The following ARHGEF10L variants were observed in gnomAD, a reference collection of about 807,000 sequenced individuals.
ARHGEF10L encodes Rho guanine nucleotide exchange factor 10 like, also known as rho guanine nucleotide exchange factor 10-like protein.
ARHGEF10L carries 69 observed loss-of-function variants against 141.2 expected under a neutral mutation model. The ratio of observed to expected loss-of-function variants is 0.49; its 90% confidence interval spans 0.40 to 0.60. ARHGEF10L has a LOEUF of 0.60. Among genes scored for constraint, ARHGEF10L ranks in the 20% least tolerant of loss-of-function variants. ARHGEF10L has a pLI of 0.00. For synonymous variants in ARHGEF10L, 711 were observed against 718.5 expected, an observed-to-expected ratio of 0.99 and a Z score of 0.17; for missense variants, 1,482 against 1,734.3, an observed-to-expected ratio of 0.85 and a Z score of 2.58.
At chr1:17,665,561 G>A (rs149557574) in intron 26 of ARHGEF10L, among the ~76,000 whole-genome samples, 8,410 of 152,244 alleles carry the variant, frequency 0.055, 308 homozygotes, top group Middle Eastern at 0.13. Flanking sequence ...TGTTGTCGTT[G>A]GAGCCGGACC....
At chr1:17,561,298 G>A (rs139249852) in intron 1 of ARHGEF10L, among the ~76,000 whole-genome samples, 2 of 152,302 alleles carry the variant, frequency 1.3e-5, no homozygotes, top group South Asian at 2.1e-4. Flanking sequence ...CTGGCAGCCC[G>A]GGAGCAGTCT....
Position 17,621,730 on chromosome 1 carries a change from C to G in ARHGEF10L, c.943-134C>G. The G allele has an allele frequency of 1.3e-6, 1 of 760,812 alleles. No homozygotes were observed. Among genetic ancestry groups the G allele is most frequent in the Non-Finnish European group, 2.3e-6 (1 of 440,854 alleles). The allele number at this position is 760,812 out of a possible 1,614,324, so 47.1% of individuals were successfully genotyped here. ...GGGCTCTGGAAGGAAGAGTGGCCAC[C>G]AGGCCCAGTGGTCCCAGGTGGGACC... On this transcript the variant is annotated intron_variant, in intron 10 of 28. Coordinates refer to ENST00000361221, the MANE Select transcript of ARHGEF10L (RefSeq NM_018125.4). This position sits in a 1 kb window ranked among gnomAD's most constrained non-coding sequence, Gnocchi z 4.1.
intron 27 of ARHGEF10L, among the ~76,000 whole-genome samples, chr1:17,687,959 C>T (rs1361622217): frequency 6.6e-6 from 1 of 152,206 alleles, no homozygotes; most frequent in Non-Finnish European, 1.5e-5. Context: ...GCCCAGCCAC[C>T]GCATCACAGC....
the ARHGEF10L span, among the ~76,000 whole-genome samples, chr1:17,531,573 G>C: frequency 2.0e-5 from 3 of 152,314 alleles, no homozygotes; most frequent in South Asian, 6.2e-4. Context: ...AAGCAGGATA[G>C]AGCCACCTTC....
At chr1:17,591,584 G>A (rs1470525862) in intron 4 of ARHGEF10L, among the ~76,000 whole-genome samples, 2 of 152,054 alleles carry the variant, frequency 1.3e-5, no homozygotes, top group Admixed American at 6.6e-5. Flanking sequence ...CTAATTTTTT[G>A]TATTTTTAGT....
rs117217498 is a variant in ARHGEF10L, at chr1:17,595,317, C to G, written c.258-6810C>G. ...GTTTTGCAACAACCCACATGGCTCT[C>G]GATACATTTTTGCCAGGGGTGCAGG... On this transcript the variant is annotated intron_variant, in intron 4 of 28. Coordinates refer to ENST00000361221, the MANE Select transcript of ARHGEF10L (RefSeq NM_018125.4). 7.1e-4 allele frequency among the ~76,000 whole-genome samples: 107 copies of G among 149,680 alleles called. No individual in the cohort carries two copies. In the East Asian group the frequency reaches 0.02, roughly 28 times the overall value.
Position 17,656,396 on chromosome 1 carries a change from AGCTCCC to A in ARHGEF10L, c.2706-155_2706-150del, listed in dbSNP as rs2062254147. Among the ~76,000 whole-genome samples the A allele has an allele frequency of 6.6e-6, 1 of 152,128 alleles. No homozygotes were observed. Among genetic ancestry groups the A allele is most frequent in the Non-Finnish European group, 1.5e-5 (1 of 68,016 alleles). On this transcript the variant is annotated intron_variant, in intron 24 of 28. Transcript: ENST00000361221. This position sits in a 1 kb window ranked among gnomAD's most constrained non-coding sequence, Gnocchi z 4.9. ...CGTCCCAGAAAACCATGGAAAAGTG[AGCTCCC>A]GCATGGTGGAGCTATGGCCTGGCCA... is the stretch of plus-strand genomic sequence containing the variant.
At chr1:17,616,532 C>T (rs944607186) in intron 9 of ARHGEF10L, among the ~76,000 whole-genome samples, 5 of 152,232 alleles carry the variant, frequency 3.3e-5, no homozygotes, top group African/African-American at 9.6e-5. Context: ...GTTCCTGTTC[C>T]CTCCTTCCTT....
Position 17,573,842 on chromosome 1 carries a change from G to A in ARHGEF10L, c.-43-6711G>A, listed in dbSNP as rs2078110075. Among the ~76,000 whole-genome samples, 1 of 150,332 alleles carries A rather than the reference G, an allele frequency of 6.7e-6. No individual in the cohort carries two copies. Among genetic ancestry groups the A allele is most frequent in the Admixed American group, 6.6e-5 (1 of 15,152 alleles). On this transcript the variant is annotated intron_variant, in intron 1 of 28. Coordinates refer to ENST00000361221, the MANE Select transcript of ARHGEF10L (RefSeq NM_018125.4). The surrounding 1 kb of genome is among the most constrained non-coding windows in gnomAD (Gnocchi z 4.8). ...CCCTAGGAGGTCAGTGCGGGAGGGT[G>A]GGTGCCACCGACTCTGGGCTCAGGA...
chr1:17,572,613 T>A (rs1165138845), intron 1 of ARHGEF10L, among the ~76,000 whole-genome samples: 1 of 152,144 alleles, frequency 6.6e-6, no homozygotes, highest in Non-Finnish European at 1.5e-5. Flanking sequence ...GGCTCTGATC[T>A]GGAAGTGGGG....
At chr1:17,526,947 A>T in the ARHGEF10L span, among the ~76,000 whole-genome samples, 1 of 150,550 alleles carries the variant, frequency 6.6e-6, no homozygotes, top group Non-Finnish European at 1.5e-5. Context: ...GGATGGCAGG[A>T]TGCCTCGTTG....
At chr1:17,641,696 T>C (rs1032870378) in intron 21 of ARHGEF10L, among the ~76,000 whole-genome samples, 9 of 149,686 alleles carry the variant, frequency 6.0e-5, no homozygotes, top group African/African-American at 2.0e-4. Flanking sequence ...TCAGGACCTT[T>C]GGCTGGGCGT....
intron 7 of ARHGEF10L, among the ~76,000 whole-genome samples, chr1:17,608,628 C>T (rs889585271): frequency 6.6e-6 from 1 of 152,186 alleles, no homozygotes; most frequent in Non-Finnish European, 1.5e-5. Flanking sequence ...TTCCTTCTTT[C>T]CCATGGCACC....
At chr1:17,675,794 G>A (rs1163466364) in intron 26 of ARHGEF10L, among the ~76,000 whole-genome samples, 1 of 147,312 alleles carries the variant, frequency 6.8e-6, no homozygotes, top group Admixed American at 6.7e-5. Flanking sequence ...GTGTGTTCAG[G>A]TGTAGGTACA....
At chr1:17,586,213 T>C (rs1296929050) in intron 2 of ARHGEF10L, among the ~76,000 whole-genome samples, 2 of 152,234 alleles carry the variant, frequency 1.3e-5, no homozygotes, top group South Asian at 2.1e-4. Context: ...GATGTTCATG[T>C]CAGCCTTATG....
At chr1:17,517,396 A>C in the ARHGEF10L span, among the ~76,000 whole-genome samples, 1 of 151,626 alleles carries the variant, frequency 6.6e-6, no homozygotes, top group African/African-American at 2.4e-5. Context: ...CAGTGGTGCA[A>C]TCTCAGCTCA....
At chr1:17,602,626 G>A (rs530360637) in intron 5 of ARHGEF10L, among the ~76,000 whole-genome samples, 31 of 152,224 alleles carry the variant, frequency 2.0e-4, no homozygotes, top group African/African-American at 6.7e-4. Context: ...ACTTGTACAA[G>A]GGCCTGAGGG....
chr1:17,576,657 C>G (rs923955088), intron 1 of ARHGEF10L, among the ~76,000 whole-genome samples: 27 of 152,262 alleles, frequency 1.8e-4, no homozygotes, highest in African/African-American at 6.5e-4. Context: ...CCCTGTCTAC[C>G]CAGAGCTTAC....
At chr1:17,669,070 C>T (rs565259615) in intron 26 of ARHGEF10L, among the ~76,000 whole-genome samples, 3 of 152,198 alleles carry the variant, frequency 2.0e-5, no homozygotes, top group African/African-American at 4.8e-5. Flanking sequence ...CTGTGCCTCG[C>T]GTGTGATGTC....
Sources: gnomAD v4.1 joint callset for allele counts (sites outside exome capture counted in the v4.1 genomes callset) on GRCh38, gnomAD v4.1.1 for gene constraint, Gnocchi (gnomAD v3.1) non-coding constraint, MANE v1.5 for transcripts, NCBI Gene and HGNC (gene_info 2026-07-23, HGNC 2026-07-21) for gene names.